SLC45A4: variants seen among roughly 807,000 people sequenced by gnomAD.
SLC45A4 encodes the protein polyamine-transporter SLC45A4.
Under a neutral mutation model 63.7 loss-of-function variants are expected in SLC45A4, and 32 were observed. The ratio of observed to expected loss-of-function variants is 0.50; its 90% CI spans 0.38 to 0.67. The LOEUF is 0.67. Ranked by LOEUF, SLC45A4 falls within the 30% of genes least tolerant of loss-of-function variation. The pLI is 0.00. For missense variants in SLC45A4, 1,027 were observed against 1,157.7 expected (o/e 0.89, Z 1.64); for synonymous variants, 535 against 510.0 (o/e 1.05, Z -0.66).
Position 141,284,885 on chromosome 8 carries a change from CT to C in SLC45A4, c.-401+23210del, listed in dbSNP as rs535708814. On this transcript the variant is annotated intron_variant, in intron 1 of 8. Coordinates refer to ENST00000517878, the MANE Select transcript of SLC45A4 (RefSeq NM_001286646.2). The stretch of plus-strand genomic sequence containing the variant: ...GCTGCCCGTGCCCCCTGCCCCGCCC[CT>C]GTCCCTGCCACGGCTGACATTTAGG... Among the ~76,000 whole-genome samples, 504 of 152,276 alleles carry C rather than the reference CT, an allele frequency of 3.3e-3. 5 individuals carry two copies. Among genetic ancestry groups the C allele is most frequent in the African/African-American group, 0.012 (482 of 41,572 alleles).
rs146537882 is a variant in SLC45A4, at chr8:141,299,327, C to A, written c.-401+8769G>T. Among the ~76,000 whole-genome samples the A allele has an allele frequency of 2.6e-5, 4 of 152,374 alleles. No homozygotes were observed. In the East Asian group the frequency reaches 7.7e-4, roughly 29 times the overall value. On this transcript the variant is annotated intron_variant, in intron 1 of 8. Transcript: ENST00000517878. Reference sequence around the variant, plus strand: ...CCCGTGCCTTTAAGAATTAAAAACACTCTCGACACCTCAATAGTTCAGTAG... The same window carrying A: ...CCCGTGCCTTTAAGAATTAAAAACAATCTCGACACCTCAATAGTTCAGTAG...
chr8:141,228,374 G>C, intron 2 of SLC45A4: 7 of 1,541,628 alleles, frequency 4.5e-6, no homozygotes, highest in Non-Finnish European at 6.1e-6. Context: ...CCTGGCTAGA[G>C]GCCCCTGGCC....
chr8:141,215,674 C>G lies in SLC45A4; in HGVS notation c.1941+85G>C. ...GGCCATCTGTGTCGTGAACGTCCCC[C>G]CGGGGAAGCACAGGGCTCTGCTCTG... On this transcript the variant is annotated intron_variant, in intron 7 of 8. Coordinates refer to ENST00000517878, the MANE Select transcript of SLC45A4 (RefSeq NM_001286646.2). The surrounding 1 kb of genome is among the most constrained non-coding windows in gnomAD (Gnocchi z 4.3). 7.1e-7 allele frequency: 1 copy of G among 1,418,074 alleles called. No homozygotes were observed. The highest frequency in any genetic ancestry group is 1.4e-5 in the African/African-American group (1 of 71,010). 87.8% of individuals were successfully genotyped at this position (1,418,074 alleles called of 1,614,324 possible). A position where few individuals can be genotyped will look rare whatever the true frequency, so the allele number is the denominator to read the frequency against.
chr8:141,260,682 T>C (rs566528707), intron 1 of SLC45A4, among the ~76,000 whole-genome samples: 7 of 152,332 alleles, frequency 4.6e-5, no homozygotes, highest in African/African-American at 7.2e-5. Context: ...CAGGAAGAAG[T>C]TGAATCTCTG....
rs1343282795 is a variant in SLC45A4, at chr8:141,209,912, G to A, written c.*1660C>T. ...CTGCACTCCCAGCTGGCGAGGAATCGGCTTTGGTGAGCCCTGGATCCGGCC... is the reference window on the plus strand; with the variant it reads ...CTGCACTCCCAGCTGGCGAGGAATCAGCTTTGGTGAGCCCTGGATCCGGCC... On this transcript the variant is annotated 3_prime_UTR_variant, in exon 9 of 9. Transcript: ENST00000517878. The A allele has an allele frequency of 1.3e-5, 2 of 152,240 alleles. No homozygotes were observed. Among genetic ancestry groups the A allele is most frequent in the Non-Finnish European group, 2.9e-5 (2 of 68,050 alleles). 9.4% of individuals were successfully genotyped at this position (152,240 alleles called of 1,614,324 possible).
chr8:141,245,445 T>C (rs944520763), intron 2 of SLC45A4, among the ~76,000 whole-genome samples: 2 of 152,172 alleles, frequency 1.3e-5, no homozygotes, highest in Non-Finnish European at 2.9e-5. Flanking sequence ...CAACGAACAA[T>C]GGGCCTTCCG....
intron 1 of SLC45A4, among the ~76,000 whole-genome samples, chr8:141,289,524 A>G (rs1374656625): frequency 1.3e-5 from 2 of 152,154 alleles, no homozygotes; most frequent in Admixed American, 1.3e-4. Context: ...TTATTTGAAG[A>G]GTGCAGAGAG....
At chr8:141,287,107 C>T (rs1172058667) in intron 1 of SLC45A4, among the ~76,000 whole-genome samples, 4 of 152,128 alleles carry the variant, frequency 2.6e-5, no homozygotes, top group East Asian at 1.9e-4. Context: ...GAGCACTTCC[C>T]GGTTCCTTCC....
At chr8:141,288,285 A>G (rs1001453286) in intron 1 of SLC45A4, among the ~76,000 whole-genome samples, 2 of 152,254 alleles carry the variant, frequency 1.3e-5, no homozygotes, top group Non-Finnish European at 2.9e-5. Flanking sequence ...CTGGCCGCTC[A>G]GTGCAAAACA....
At chr8:141,301,189 G>A (rs987240602) in intron 1 of SLC45A4, among the ~76,000 whole-genome samples, 3 of 152,158 alleles carry the variant, frequency 2.0e-5, no homozygotes, top group African/African-American at 4.8e-5. Flanking sequence ...AGATGTACCC[G>A]GTACCAGGGA....
chr8:141,222,271 A>C (rs1052248247), intron 2 of SLC45A4, among the ~76,000 whole-genome samples: 3 of 152,240 alleles, frequency 2.0e-5, no homozygotes, highest in Admixed American at 6.5e-5. Flanking sequence ...TCTAGACCTC[A>C]CTGGCTGAAA....
chr8:141,241,777 T>TC (rs960700026), intron 2 of SLC45A4, among the ~76,000 whole-genome samples: 1 of 151,380 alleles, frequency 6.6e-6, no homozygotes, highest in Non-Finnish European at 1.5e-5. Context: ...AGCCCAGCAA[T>TC]CCCCCCAGCA....
intron 2 of SLC45A4, among the ~76,000 whole-genome samples, chr8:141,231,326 C>T (rs778063674): frequency 7.2e-5 from 11 of 152,206 alleles, no homozygotes; most frequent in Non-Finnish European, 1.6e-4. Flanking sequence ...GGCTGGGACA[C>T]GCAGGTCCCC....
chr8:141,247,631 C>T lies in SLC45A4; in HGVS notation c.241+6358G>A, dbSNP rs375418222. 1.1e-4 allele frequency among the ~76,000 whole-genome samples: 16 copies of T among 152,244 alleles called. No homozygotes were observed. In the South Asian group the frequency reaches 1.2e-3, roughly 12 times the overall value. Reference sequence around the variant, plus strand: ...CTTGCTGTGTTGCCTAGGATGGTCTCGAACGCCTGAGTTCAAGCAATCTTC... The same window carrying T: ...CTTGCTGTGTTGCCTAGGATGGTCTTGAACGCCTGAGTTCAAGCAATCTTC... On this transcript the variant is annotated intron_variant, in intron 2 of 8. Transcript: ENST00000517878.
rs982300274 is a variant in SLC45A4, at chr8:141,217,208, G to A, written c.1630-19C>T. The A allele has an allele frequency of 5.6e-6, 9 of 1,611,704 alleles. No individual in the cohort carries two copies. The highest frequency in any genetic ancestry group is 4.0e-5 in the African/African-American group (3 of 75,002). On this transcript the variant is annotated intron_variant, in intron 5 of 8. Coordinates refer to ENST00000517878, the MANE Select transcript of SLC45A4 (RefSeq NM_001286646.2). ...AGGGGGCCTGTTCCGGAAATGAGAC[G>A]GGGGCTGACGAGGGCATCTGCTGGG...
At chr8:141,231,756 A>C (rs1589790843) in intron 2 of SLC45A4, among the ~76,000 whole-genome samples, 1 of 151,702 alleles carries the variant, frequency 6.6e-6, no homozygotes, top group Non-Finnish European at 1.5e-5. Context: ...AGTAGGAAAC[A>C]CTCTTGCCAC....
At chr8:141,255,672 C>A (rs994342410) in intron 1 of SLC45A4, among the ~76,000 whole-genome samples, 5 of 152,200 alleles carry the variant, frequency 3.3e-5, no homozygotes, top group Middle Eastern at 3.4e-3. Flanking sequence ...GCTGAGATCG[C>A]ACCACTGCAC....
Position 141,229,825 on chromosome 8 carries a change from C to T in SLC45A4, c.242-8060G>A, listed in dbSNP as rs539136731. On this transcript the variant is annotated intron_variant, in intron 2 of 8. Coordinates refer to ENST00000517878, the MANE Select transcript of SLC45A4 (RefSeq NM_001286646.2). The surrounding 1 kb of genome is among the most constrained non-coding windows in gnomAD (Gnocchi z 5.0). ...CTTGCAGCCCACCCCACTCTGGCTG[C>T]GGGACTTTGGAGCAGCTTGGGCTTT... Among the ~76,000 whole-genome samples, 1 of 152,238 alleles carries T rather than the reference C, an allele frequency of 6.6e-6. No individual in the cohort carries two copies. Among genetic ancestry groups the T allele is most frequent in the East Asian group, 1.9e-4 (1 of 5,164 alleles).
At chr8:141,302,466 T>C (rs1224027605) in intron 1 of SLC45A4, among the ~76,000 whole-genome samples, 2 of 143,216 alleles carry the variant, frequency 1.4e-5, no homozygotes, top group African/African-American at 5.1e-5. Flanking sequence ...CCTAAGTAGC[T>C]GGGATTATAG....
Sources: gnomAD v4.1 joint callset for allele counts (sites outside exome capture counted in the v4.1 genomes callset) on GRCh38, gnomAD v4.1.1 for gene constraint, Gnocchi (gnomAD v3.1) non-coding constraint, MANE v1.5 for transcripts, NCBI Gene and HGNC (gene_info 2026-07-23, HGNC 2026-07-21) for gene names.